The following DUS1L variants were observed in gnomAD, a reference collection of about 807,000 sequenced individuals.
DUS1L encodes the protein tRNA-dihydrouridine(16/17) synthase [NAD(P)(+)]-like.
In DUS1L, 56 loss-of-function variants were observed where a neutral mutation model predicts 61.2. That is an observed-to-expected ratio of 0.92 (90% CI 0.74 to 1.14). DUS1L has a LOEUF of 1.14. DUS1L is among the 50% of genes most tolerant of loss of function. The probability of loss-of-function intolerance (pLI) is 0.00; values close to 1 mark genes in which losing one functional copy is unlikely to be tolerated. For missense variants in DUS1L, 630 were observed against 632.4 expected (o/e 1.00, Z 0.04); for synonymous variants, 278 against 259.5 (o/e 1.07, Z -0.69).
At chr17:82,063,069 G>A in intron 4 of DUS1L, 96 bp from the exon 5 acceptor site, 1 of 1,137,662 alleles carries the variant, frequency 8.8e-7, no homozygotes. Flanking sequence ...GCGGAGCCCA[G>A]GCAGCTTTGC....
chr17:82,064,712 G>C, intron 2 of DUS1L, 111 bp downstream of exon 2: 7 of 1,120,372 alleles, frequency 6.2e-6, no homozygotes, highest in Non-Finnish European at 6.4e-6. Context: ...GAATTGAGCT[G>C]TCTCTGGAAA....
intron 1 of DUS1L, 70 bp downstream of exon 1, chr17:82,065,543 T>C (rs1308107258): frequency 6.5e-6 from 1 of 153,952 alleles, no homozygotes; most frequent in Non-Finnish European, 1.4e-5. Context: ...GCGAGACTCC[T>C]CCGGAGCCAC....
intron 12 of DUS1L, 44 bp from the exon 13 acceptor site, chr17:82,058,460 C>A (rs370390336): frequency 1.4e-6 from 2 of 1,476,444 alleles, no homozygotes; most frequent in Admixed American, 4.7e-5. Context: ...GCACCACTCC[C>A]GGGGCCAGGC....
Position 82,065,663 on chromosome 17 carries a change from C to A in DUS1L, c.-61G>T. ...CGCGCGCCTTTGGCTCCGAGGGCGC[C>A]GGGTGCCGGTGTCCCGGGCCCGCCC... On this transcript the variant is annotated 5_prime_UTR_variant, in exon 1 of 14. Transcript: ENST00000306796. 1 of 150,712 alleles carries A rather than the reference C, an allele frequency of 6.6e-6. No homozygotes were observed. Among genetic ancestry groups the A allele is most frequent in the South Asian group, 2.1e-4 (1 of 4,836 alleles). 9.3% of individuals were successfully genotyped at this position (150,712 alleles called of 1,614,324 possible).
intron 4 of DUS1L, chr17:82,063,264 T>G: frequency 1.4e-6 from 1 of 701,694 alleles, no homozygotes. Context: ...ACTGTCTGGT[T>G]TTAAGGGGTG....
chr17:82,064,054 C>T (rs1406888353), intron 3 of DUS1L, 72 bp downstream of exon 3: 4 of 1,383,034 alleles, frequency 2.9e-6, no homozygotes, highest in East Asian at 4.7e-5. Flanking sequence ...TCCAAGCTCA[C>T]CACACCTGGG....
chr17:82,063,508 G>A lies in DUS1L; in HGVS notation c.357C>T (p.Gly119=), dbSNP rs368906150. 1.5e-5 allele frequency: 25 copies of A among 1,613,500 alleles called. No homozygotes were observed. The highest frequency in any genetic ancestry group is 1.6e-4 in the Middle Eastern group (1 of 6,084). The part of the protein sequence containing the change: ...PQMIAKRGHY[G]AFLQDEWDLL... Reference sequence around the variant, plus strand: ...GGTCCCACTCGTCCTGCAGAAAGGCGCCATAGTGACCTGCAAGGAGCAAGC... The same window carrying A: ...GGTCCCACTCGTCCTGCAGAAAGGCACCATAGTGACCTGCAAGGAGCAAGC... The change falls in exon 4 of 14, where the codon GGC becomes GGT. Residue 119 remains glycine (G), a synonymous_variant. Transcript: ENST00000306796.
At position 82,061,331 on chromosome 17, in the gene DUS1L, G is replaced by A. The variant is rs11542331; in HGVS notation, c.720C>T (p.Ala240=). 6.3e-7 allele frequency: 1 copy of A among 1,596,348 alleles called. No individual in the cohort carries two copies. ...MSAEGNLHNP[A]LFEGRSPAVW... is the part of the protein sequence containing the mutation. ...CGGCAGGGCTCCGGCCCTCGAACAG[G>A]GCGGGGTTGTGCAGGTTGCCCTCTG... Residue 240 remains alanine (A), a synonymous_variant, in exon 8 of 14, where the codon GCC becomes GCT. Transcript: ENST00000306796.
At chr17:82,063,882 A>G (rs1294181920) in intron 3 of DUS1L, among the ~76,000 whole-genome samples, 1 of 152,168 alleles carries the variant, frequency 6.6e-6, no homozygotes, top group African/African-American at 2.4e-5. Flanking sequence ...TGTATCAGCA[A>G]TCATGTTTAT....
chr17:82,063,274 G>A (rs1428249126), intron 4 of DUS1L, 194 bp downstream of exon 4: 11 of 729,274 alleles, frequency 1.5e-5, no homozygotes, highest in Non-Finnish European at 2.5e-5. Flanking sequence ...TTTAAGGGGT[G>A]GGTGGTGCAG....
At chr17:82,063,131 G>T (rs2033592794) in intron 4 of DUS1L, 158 bp from the exon 5 acceptor site, 1 of 676,564 alleles carries the variant, frequency 1.5e-6, no homozygotes, top group Non-Finnish European at 2.5e-6. Context: ...CCCTCAGGTT[G>T]CTGGGCAGGC....
At chr17:82,060,161 G>A (rs2033409680) in intron 10 of DUS1L, 68 bp from the exon 11 acceptor site, 1 of 1,556,548 alleles carries the variant, frequency 6.4e-7, no homozygotes, top group Admixed American at 1.9e-5. Flanking sequence ...CAGCCACACG[G>A]GTCTGAGTCT....
chr17:82,063,155 C>T (rs1294366274), intron 4 of DUS1L, 182 bp from the exon 5 acceptor site: 4 of 640,738 alleles, frequency 6.2e-6, no homozygotes, highest in South Asian at 1.9e-5. Context: ...CTCCGCCATA[C>T]CCCCGGCCCT....
rs2144732151 is a variant in DUS1L, at chr17:82,061,468, G to A, written c.698-115C>T. On this transcript the variant is annotated intron_variant, in intron 7 of 13. Coordinates refer to ENST00000306796, the MANE Select transcript of DUS1L (RefSeq NM_022156.5). The stretch of plus-strand genomic sequence containing the variant: ...TGCCACCTCACAAGGGACAAGGCCA[G>A]CTCAGGCCCATCAGAGCAGACTGGG... The A allele has an allele frequency of 2.0e-6, 3 of 1,469,406 alleles. No homozygotes were observed. The East Asian group carries it at 7.0e-5, about 34-fold the overall frequency. 91.0% of individuals were successfully genotyped at this position (1,469,406 alleles called of 1,614,324 possible).
rs776745658 is a variant in DUS1L, at chr17:82,058,808, T to C, written c.1179A>G (p.Ala393=). ...TFDPSLKPKY[A]KCDQCGNPKG... ...TTGGGTTTCCACACTGGTCACACTT[T>C]GCATATTTTGCTAGGAAAAGAACAA... The change falls in exon 12 of 14, where the codon GCA becomes GCG. Residue 393 remains alanine, a synonymous_variant. Transcript: ENST00000306796. 1.2e-5 allele frequency: 20 copies of C among 1,613,322 alleles called. No individual in the cohort carries two copies. The highest frequency in any genetic ancestry group is 2.2e-5 in the East Asian group (1 of 44,874).
In DUS1L at chr17:82,060,933, C is replaced by T; in HGVS notation, c.871G>A (p.Glu291Lys). 2 of 1,610,714 alleles carry T rather than the reference C, an allele frequency of 1.2e-6. No homozygotes were observed. The highest frequency in any genetic ancestry group is 1.7e-6 in the Non-Finnish European group (2 of 1,179,900). Residue 291 changes from glutamate (E) to lysine (K), a missense_variant, in exon 9 of 14, where the codon GAG becomes AAG. Coordinates refer to ENST00000306796, the MANE Select transcript of DUS1L (RefSeq NM_022156.5). ...TCCAGGGTCTTCACCTTGGCCAGCTCCTCTCGCAGCTCCTGGTGCACCTGC... is the reference window on the plus strand; with the variant it reads ...TCCAGGGTCTTCACCTTGGCCAGCTTCTCTCGCAGCTCCTGGTGCACCTGC... The part of the protein sequence containing the change: ...TLQVHQELRE[E>K]LAKVKTLEGI...
chr17:82,065,080 G>A lies in DUS1L; in HGVS notation c.-10-11C>T, dbSNP rs529730038. On this transcript the variant is annotated splice_polypyrimidine_tract_variant and intron_variant, in intron 1 of 13. Transcript: ENST00000306796. ...GGCATCGTCTCCAGGCTGGGGGAAA[G>A]GCGCAGACCCGGGGTTCAGCCAGGC... 19 of 1,568,380 alleles carry A rather than the reference G, an allele frequency of 1.2e-5. 1 individual carries two copies. In the South Asian group the frequency reaches 2.1e-4, roughly 17 times the overall value.
chr17:82,060,059 G>C lies in DUS1L; in HGVS notation c.1057C>G (p.Arg353Gly), dbSNP rs769318809. 6.2e-7 allele frequency: 1 copy of C among 1,613,226 alleles called. No homozygotes were observed. The highest frequency in any genetic ancestry group is 1.7e-5 in the Admixed American group (1 of 59,968). ...REGSKEKAGA[R>G]SKRALEEEEG... Reference sequence around the variant, plus strand: ...TCTTCCTCCAGGGCCCGCTTGCTGCGCGCACCTGCCTTCTCCTTGCTCCCC... The same window carrying C: ...TCTTCCTCCAGGGCCCGCTTGCTGCCCGCACCTGCCTTCTCCTTGCTCCCC... The change falls in exon 11 of 14, where the codon CGC (arginine) becomes GGC (glycine). Residue 353 changes from arginine to glycine, a missense_variant. Transcript: ENST00000306796.
chr17:82,063,514 G>A lies in DUS1L; in HGVS notation c.351C>T (p.His117=). The A allele has an allele frequency of 6.2e-7, 1 of 1,613,632 alleles. No individual in the cohort carries two copies. The highest frequency in any genetic ancestry group is 8.5e-7 in the Non-Finnish European group (1 of 1,179,988). The change falls in exon 4 of 14, where the codon CAC becomes CAT. Residue 117 remains histidine, a synonymous_variant. Coordinates refer to ENST00000306796, the MANE Select transcript of DUS1L (RefSeq NM_022156.5). Reference sequence around the variant, plus strand: ...ACTCGTCCTGCAGAAAGGCGCCATAGTGACCTGCAAGGAGCAAGCATGGCC... The same window carrying A: ...ACTCGTCCTGCAGAAAGGCGCCATAATGACCTGCAAGGAGCAAGCATGGCC... ...GCPQMIAKRG[H]YGAFLQDEWD... is the part of the protein sequence containing the mutation.
Sources: allele counts gnomAD v4.1 joint callset (sites outside exome capture counted in the v4.1 genomes callset), GRCh38; gene constraint gnomAD v4.1.1; transcripts MANE v1.5; gene names NCBI Gene and HGNC (gene_info 2026-07-23, HGNC 2026-07-21).